The following NRXN3 variants were observed in gnomAD, a reference collection of about 807,000 sequenced individuals.
The protein encoded by NRXN3 is neurexin III.
Under a neutral mutation model 137.6 loss-of-function variants are expected in NRXN3, and 32 were observed. The ratio of observed to expected loss-of-function variants is 0.23; its 90% CI spans 0.18 to 0.31. The LOEUF is 0.31. Ranked by LOEUF, NRXN3 falls within the 10% of genes least tolerant of loss-of-function variation. The pLI, the probability that NRXN3 is intolerant of heterozygous loss-of-function variation, is 1.00. For synonymous variants in NRXN3, 798 were observed against 784.5 expected, an observed-to-expected ratio of 1.02 and a Z score of -0.29; for missense variants, 1,574 against 2,062.5, an observed-to-expected ratio of 0.76 and a Z score of 4.59.
intron 4 of NRXN3, among the ~76,000 whole-genome samples, chr14:78,456,799 C>CCCTTTCTT (rs1555539841): frequency 5.1e-5 from 5 of 97,620 alleles, no homozygotes; most frequent in Non-Finnish European, 8.9e-5. Flanking sequence ...CTCTCTTTCT[C>CCCTTTCTT]TCTTTCTTTC....
At chr14:79,542,432 G>A (rs1426588373) in intron 16 of NRXN3, among the ~76,000 whole-genome samples, 2 of 152,096 alleles carry the variant, frequency 1.3e-5, no homozygotes, top group African/African-American at 2.4e-5. Context: ...CTTAGCCTAC[G>A]TGAACATCCT....
chr14:78,248,721 G>T (rs2068110850), intron 2 of NRXN3, among the ~76,000 whole-genome samples: 1 of 152,182 alleles, frequency 6.6e-6, no homozygotes. Context: ...TTGAGAAGGG[G>T]TGGGTGTCCT....
At chr14:79,659,128 C>A (rs2153982453) in intron 16 of NRXN3, among the ~76,000 whole-genome samples, 1 of 151,926 alleles carries the variant, frequency 6.6e-6, no homozygotes, top group African/African-American at 2.4e-5. Context: ...GGCTTATAAA[C>A]AGTCATTATT....
At chr14:78,181,990 T>G (rs1409216171) in intron 1 of NRXN3, among the ~76,000 whole-genome samples, 1 of 151,816 alleles carries the variant, frequency 6.6e-6, no homozygotes, top group Non-Finnish European at 1.5e-5. Flanking sequence ...GAATTTAAGC[T>G]TAGGTGGAAG....
At position 79,493,300 on chromosome 14, in the gene NRXN3, A is replaced by G. The variant is rs556908679; in HGVS notation, c.3444+25898A>G. On this transcript the variant is annotated intron_variant, in intron 16 of 20. Coordinates refer to ENST00000335750, the MANE Select transcript of NRXN3 (RefSeq NM_001330195.2). The stretch of plus-strand genomic sequence containing the variant: ...CCTCCACAAAAGGTAATTAATGAGT[A>G]CAACAGACAATTCAAAGCAAGAAAA... Among the ~76,000 whole-genome samples the G allele has an allele frequency of 3.3e-5, 5 of 152,354 alleles. 1 individual carries two copies. In the South Asian group the frequency reaches 1.0e-3, roughly 32 times the overall value.
chr14:79,502,562 T>C (rs1387246909), intron 16 of NRXN3, among the ~76,000 whole-genome samples: 1 of 149,150 alleles, frequency 6.7e-6, no homozygotes, highest in African/African-American at 2.5e-5. Flanking sequence ...TCTTCCTCTC[T>C]CTCCCTCTCT....
chr14:79,531,121 T>A (rs2097166081), intron 16 of NRXN3, among the ~76,000 whole-genome samples: 1 of 152,204 alleles, frequency 6.6e-6, no homozygotes, highest in Non-Finnish European at 1.5e-5. Flanking sequence ...CCAGCTTAAT[T>A]AGCTGTACTC....
Position 78,796,263 on chromosome 14 carries a change from G to T in NRXN3, c.2045-7357G>T, listed in dbSNP as rs756929966. Among the ~76,000 whole-genome samples, 9 of 152,206 alleles carry T rather than the reference G, an allele frequency of 5.9e-5. No individual in the cohort carries two copies. In the South Asian group the frequency reaches 6.2e-4, roughly 11 times the overall value. The stretch of plus-strand genomic sequence containing the variant: ...ATGCTGGGAAGGGCAAGCTGAAAAG[G>T]CCAGAGTCCACCATCTTTCCCAAAT... On this transcript the variant is annotated intron_variant, in intron 8 of 20. Transcript: ENST00000335750.
At chr14:78,558,163 A>G (rs576840796) in intron 4 of NRXN3, among the ~76,000 whole-genome samples, 1 of 152,234 alleles carries the variant, frequency 6.6e-6, no homozygotes, top group Non-Finnish European at 1.5e-5. Flanking sequence ...TTCACCAGCC[A>G]TTCTTCCAGA....
intron 4 of NRXN3, among the ~76,000 whole-genome samples, chr14:78,499,504 G>T (rs180907399): frequency 5.5e-4 from 84 of 152,244 alleles, no homozygotes; most frequent in Non-Finnish European, 1.1e-3. Context: ...AAATTATAAT[G>T]CTTTATTAGT....
chr14:78,969,809 T>C (rs1178137003), intron 14 of NRXN3, among the ~76,000 whole-genome samples: 1 of 144,832 alleles, frequency 6.9e-6, no homozygotes, highest in African/African-American at 2.6e-5. Context: ...GTGTTTGTAC[T>C]ATGTAGTGTG....
chr14:79,194,335 G>A (rs1301553064), intron 15 of NRXN3, among the ~76,000 whole-genome samples: 2 of 152,146 alleles, frequency 1.3e-5, no homozygotes, highest in African/African-American at 2.4e-5. Flanking sequence ...AACTAAGAAC[G>A]GTCTAGCTTT....
chr14:78,257,206 C>T (rs1276189313), intron 2 of NRXN3, among the ~76,000 whole-genome samples: 6 of 152,236 alleles, frequency 3.9e-5, no homozygotes, highest in Non-Finnish European at 8.8e-5. Flanking sequence ...AGAGCAAAGT[C>T]TCTGAACTAT....
chr14:79,540,412 T>C (rs1355188038), intron 16 of NRXN3, among the ~76,000 whole-genome samples: 1 of 152,126 alleles, frequency 6.6e-6, no homozygotes, highest in Non-Finnish European at 1.5e-5. Context: ...TATATTTACC[T>C]TTTTCTTCTG....
intron 4 of NRXN3, among the ~76,000 whole-genome samples, chr14:78,596,010 A>G (rs1462797249): frequency 6.6e-6 from 1 of 152,022 alleles, no homozygotes; most frequent in East Asian, 1.9e-4. Context: ...TCTAGTGGGT[A>G]GAGACCTGGG....
intron 19 of NRXN3, among the ~76,000 whole-genome samples, chr14:79,802,543 A>G (rs536406078): frequency 2.0e-5 from 3 of 152,180 alleles, no homozygotes; most frequent in Non-Finnish European, 4.4e-5. Context: ...GCCCAAACCA[A>G]ACTTTCCTGC....
At chr14:79,477,020 G>T (rs958888956) in intron 16 of NRXN3, among the ~76,000 whole-genome samples, 1 of 152,096 alleles carries the variant, frequency 6.6e-6, no homozygotes, top group Admixed American at 6.6e-5. Context: ...ATATCTAGCC[G>T]GGGGGTAGAG....
rs74407493 is a variant in NRXN3, at chr14:79,627,552, C to T, written c.3445-36226C>T. ...TCATTATTATTGCTTGATACATTTCCGAATTTGTGTTATCTGTCATTAAAT... is the reference window on the plus strand; with the variant it reads ...TCATTATTATTGCTTGATACATTTCTGAATTTGTGTTATCTGTCATTAAAT... On this transcript the variant is annotated intron_variant, in intron 16 of 20. Coordinates refer to ENST00000335750, the MANE Select transcript of NRXN3 (RefSeq NM_001330195.2). Among the ~76,000 whole-genome samples the T allele has an allele frequency of 2.5e-3, 384 of 152,202 alleles. 9 individuals are homozygous for T. In the South Asian group the frequency reaches 0.044, roughly 17 times the overall value.
In NRXN3 at chr14:79,612,485, G is replaced by A. The variant is rs184351790; in HGVS notation, c.3445-51293G>A. Among the ~76,000 whole-genome samples the A allele has an allele frequency of 1.4e-4, 21 of 152,232 alleles. No homozygotes were observed. The East Asian group carries it at 4.1e-3, about 29-fold the overall frequency. On this transcript the variant is annotated intron_variant, in intron 16 of 20. Transcript: ENST00000335750. ...GGGTGGCAAACTGATGGAAAGTGGG[G>A]GCAAGCTTTCTGTAACCATGTAAAA...
Sources: allele counts gnomAD v4.1 joint callset (sites outside exome capture counted in the v4.1 genomes callset), GRCh38; gene constraint gnomAD v4.1.1; transcripts MANE v1.5; gene names NCBI Gene and HGNC (gene_info 2026-07-23, HGNC 2026-07-21).